Variants in NDFIP1 observed in about 807,000 individuals in gnomAD.
NDFIP1 encodes Nedd4 family interacting protein 1.
In NDFIP1, 7 loss-of-function variants were observed where a neutral mutation model predicts 28.8. The ratio of observed to expected loss-of-function variants is 0.24; its 90% CI spans 0.14 to 0.46. The LOEUF (loss-of-function observed/expected upper bound fraction) is 0.46. Among genes scored for constraint, NDFIP1 ranks in the 20% least tolerant of loss-of-function variants. The pLI is 0.99. For synonymous variants in NDFIP1, 92 were observed against 101.0 expected, an observed-to-expected ratio of 0.91 and a Z score of 0.53; for missense variants, 194 against 269.1, an observed-to-expected ratio of 0.72 and a Z score of 1.95.
intron 7 of NDFIP1, among the ~76,000 whole-genome samples, chr5:142,150,731 A>C (rs934593232): frequency 4.2e-4 from 63 of 150,868 alleles, no homozygotes; most frequent in African/African-American, 1.5e-3. Flanking sequence ...CAAAAAAAAA[A>C]AAAAGAAAAG....
intron 1 of NDFIP1, among the ~76,000 whole-genome samples, chr5:142,110,813 A>AT (rs1273668031): frequency 6.6e-6 from 1 of 151,856 alleles, no homozygotes; most frequent in Non-Finnish European, 1.5e-5. Context: ...GCTAATATTG[A>AT]TTTTTTTATG....
At chr5:142,145,298 AG>A (rs1757375766) in intron 7 of NDFIP1, among the ~76,000 whole-genome samples, 1 of 152,188 alleles carries the variant, frequency 6.6e-6, no homozygotes, top group Admixed American at 6.5e-5. Flanking sequence ...AGCCCTGCCA[AG>A]GCTCTTTGAT....
chr5:142,132,377 T>G lies in NDFIP1; in HGVS notation c.282+35T>G, dbSNP rs373083436. 571 of 1,593,188 alleles carry G rather than the reference T, an allele frequency of 3.6e-4. 1 individual carries two copies. The highest frequency in any genetic ancestry group is 4.6e-4 in the Non-Finnish European group (545 of 1,172,848). On this transcript the variant is annotated intron_variant, in intron 3 of 7. Coordinates refer to ENST00000253814, the MANE Select transcript of NDFIP1 (RefSeq NM_030571.4). ...ATTTGCCATGTTACTTGATGGCTGC[T>G]CTGTGGGAATTAAGTTATTTTCATT...
chr5:142,113,693 T>A (rs1175746569), intron 1 of NDFIP1, among the ~76,000 whole-genome samples: 1 of 152,126 alleles, frequency 6.6e-6, no homozygotes, highest in African/African-American at 2.4e-5. Flanking sequence ...AAACTCCATA[T>A]CCATTAAACA....
At chr5:142,141,604 AT>A (rs1329705440) in intron 6 of NDFIP1, among the ~76,000 whole-genome samples, 5 of 152,240 alleles carry the variant, frequency 3.3e-5, no homozygotes, top group African/African-American at 4.8e-5. Context: ...GAAAATATAT[AT>A]GATACAGTTA....
intron 1 of NDFIP1, among the ~76,000 whole-genome samples, chr5:142,113,617 C>T (rs1757037233): frequency 6.6e-6 from 1 of 152,134 alleles, no homozygotes; most frequent in Admixed American, 6.5e-5. Context: ...AGTTTAGTGG[C>T]ATTAAGTACA....
intron 1 of NDFIP1, among the ~76,000 whole-genome samples, chr5:142,125,605 C>G (rs1757162777): frequency 6.6e-6 from 1 of 152,200 alleles, no homozygotes; most frequent in African/African-American, 2.4e-5. Context: ...AGTGATCCTC[C>G]TGCCTCAGCC....
chr5:142,114,499 A>G (rs1757046373), intron 1 of NDFIP1, among the ~76,000 whole-genome samples: 1 of 152,234 alleles, frequency 6.6e-6, no homozygotes, highest in Admixed American at 6.5e-5. Flanking sequence ...ATACAATAAT[A>G]AAGTAGTGTA....
At chr5:142,135,643 CTT>C (rs1011169143) in intron 3 of NDFIP1, 85 bp from the exon 4 acceptor site, 1 of 1,178,894 alleles carries the variant, frequency 8.5e-7, no homozygotes, top group Non-Finnish European at 1.3e-6. Flanking sequence ...AAAGCAATAA[CTT>C]TTTTCCTTGC....
At chr5:142,132,804 A>G (rs1191678006) in intron 3 of NDFIP1, among the ~76,000 whole-genome samples, 2 of 152,268 alleles carry the variant, frequency 1.3e-5, no homozygotes, top group Non-Finnish European at 2.9e-5. Context: ...TTGTGGGGAC[A>G]TAGTGAGTTC....
chr5:142,137,884 G>A (rs547154048), intron 5 of NDFIP1, 26 bp downstream of exon 5: 63 of 1,599,950 alleles, frequency 3.9e-5, no homozygotes, highest in Admixed American at 5.2e-5. Flanking sequence ...GAAAAGATGG[G>A]CTCTACAGAG....
At chr5:142,113,447 C>CA (rs948412411) in intron 1 of NDFIP1, among the ~76,000 whole-genome samples, 2 of 152,132 alleles carry the variant, frequency 1.3e-5, no homozygotes, top group East Asian at 3.8e-4. Flanking sequence ...ACCTAAATGT[C>CA]AAAGTTTCTT....
At chr5:142,141,168 CTTTT>C (rs1161113130) in intron 6 of NDFIP1, among the ~76,000 whole-genome samples, 623 of 59,902 alleles carry the variant, frequency 0.01, 7 homozygotes, top group African/African-American at 0.038. Flanking sequence ...GGCAAGAGGA[CTTTT>C]TTTTTTTTTT....
intron 3 of NDFIP1, among the ~76,000 whole-genome samples, chr5:142,133,532 A>G: frequency 6.6e-6 from 1 of 152,250 alleles, no homozygotes; most frequent in South Asian, 2.1e-4. Context: ...GTGAAAGTCA[A>G]ACCCAGATAT....
chr5:142,130,454 A>C (rs542966775), intron 1 of NDFIP1, among the ~76,000 whole-genome samples: 1 of 152,326 alleles, frequency 6.6e-6, no homozygotes, highest in South Asian at 2.1e-4. Context: ...TTTGGTGTGC[A>C]TGTGGAATAT....
In NDFIP1 at chr5:142,137,925, G is replaced by A. The variant is rs144201226; in HGVS notation, c.495+67G>A. On this transcript the variant is annotated intron_variant, in intron 5 of 7. Transcript: ENST00000253814. ...ATAATCAGAATATTTTTGAATATTC[G>A]ATTTTTCATTTGCTTTTTTAAAAGT... 1.3e-4 allele frequency: 198 copies of A among 1,490,610 alleles called. No homozygotes were observed. The African/African-American group carries it at 2.4e-3, about 18-fold the overall frequency. 92.3% of individuals were successfully genotyped at this position (1,490,610 alleles called of 1,614,324 possible).
intron 7 of NDFIP1, among the ~76,000 whole-genome samples, chr5:142,148,012 C>T (rs1267166752): frequency 6.6e-6 from 1 of 152,034 alleles, no homozygotes; most frequent in Non-Finnish European, 1.5e-5. Flanking sequence ...GAGATGTCAC[C>T]AATTAAAAGG....
At chr5:142,113,436 A>T (rs1017086515) in intron 1 of NDFIP1, among the ~76,000 whole-genome samples, 9 of 152,228 alleles carry the variant, frequency 5.9e-5, no homozygotes, top group Non-Finnish European at 1.3e-4. Flanking sequence ...ATGCCAACAT[A>T]ACCTAAATGT....
chr5:142,124,574 T>C (rs1757151837), intron 1 of NDFIP1, among the ~76,000 whole-genome samples: 1 of 152,164 alleles, frequency 6.6e-6, no homozygotes, highest in Non-Finnish European at 1.5e-5. Flanking sequence ...TTACAAACGG[T>C]TAGCTTTGTG....
Sources: allele counts gnomAD v4.1 joint callset (sites outside exome capture counted in the v4.1 genomes callset), GRCh38; gene constraint gnomAD v4.1.1; transcripts MANE v1.5; gene names NCBI Gene and HGNC (gene_info 2026-07-23, HGNC 2026-07-21).